Variants in TTC39B observed in about 807,000 individuals in gnomAD.
The protein encoded by TTC39B is tetratricopeptide repeat domain 39B.
TTC39B carries 92 observed loss-of-function variants against 96.6 expected under a neutral mutation model. The ratio of observed to expected loss-of-function variants is 0.95; its 90% confidence interval spans 0.80 to 1.13. The LOEUF (loss-of-function observed/expected upper bound fraction) is 1.13, where lower values mean the gene tolerates loss of function less well. Ranked by LOEUF, TTC39B falls within the 50% of genes most tolerant of loss-of-function variation. The pLI is 0.00. For synonymous variants in TTC39B, 367 were observed against 299.4 expected (o/e 1.23, Z -2.33); for missense variants, 955 against 809.3 (o/e 1.18, Z -2.18).
chr9:15,232,032 A>T (rs1034640967), intron 2 of TTC39B, among the ~76,000 whole-genome samples: 3 of 152,056 alleles, frequency 2.0e-5, no homozygotes, highest in Admixed American at 6.5e-5. Flanking sequence ...TGTGATACTC[A>T]TGGGCAAGCT....
intron 13 of TTC39B, among the ~76,000 whole-genome samples, chr9:15,189,160 C>T (rs1047204934): frequency 2.0e-5 from 3 of 152,140 alleles, no homozygotes; most frequent in African/African-American, 7.2e-5. Flanking sequence ...CTCGACGCTT[C>T]GTTTTTGAGG....
exon 20 of TTC39B, chr9:15,166,796 C>T (rs375063071): frequency 1.4e-4 from 21 of 151,206 alleles, no homozygotes; most frequent in East Asian, 9.8e-4. Flanking sequence ...CTGTATAAAA[C>T]AATGTCTATT....
intron 2 of TTC39B, among the ~76,000 whole-genome samples, chr9:15,231,228 G>C (rs1821403390): frequency 6.6e-6 from 1 of 151,902 alleles, no homozygotes; most frequent in Non-Finnish European, 1.5e-5. Flanking sequence ...GCCCAGGCTG[G>C]TCTTGAACTC....
In TTC39B at chr9:15,306,753, C is replaced by T. The variant is rs1824765959; in HGVS notation, c.240+331G>A. Among the ~76,000 whole-genome samples the T allele has an allele frequency of 6.6e-6, 1 of 152,196 alleles. No individual in the cohort carries two copies. The highest frequency in any genetic ancestry group is 2.1e-4 in the South Asian group (1 of 4,826). ...AAAGCCCAGGCGTCGCTGGGCCGGCCCGGAACAGCTCAGAGCTGCGGGTCC... is the reference window on the plus strand; with the variant it reads ...AAAGCCCAGGCGTCGCTGGGCCGGCTCGGAACAGCTCAGAGCTGCGGGTCC... On this transcript the variant is annotated intron_variant, in intron 1 of 19. Coordinates refer to ENST00000512701, the Ensembl canonical transcript of TTC39B. The surrounding 1 kb of genome is among the most constrained non-coding windows in gnomAD (Gnocchi z 5.1).
exon 20 of TTC39B, chr9:15,167,015 TATATATATATATA>T (rs1346312015): frequency 1.7e-3 from 14 of 8,412 alleles, no homozygotes; most frequent in African/African-American, 4.8e-3. Flanking sequence ...TATATATATA[TATATATATATATA>T]TTTTTTTTTT....
intron 2 of TTC39B, among the ~76,000 whole-genome samples, chr9:15,234,251 G>A (rs1236864301): frequency 3.8e-4 from 58 of 151,468 alleles, no homozygotes; most frequent in African/African-American, 1.3e-3. Context: ...CACCCCGTCC[G>A]GGAGGGAGGT....
chr9:15,289,065 C>G (rs969918971), intron 1 of TTC39B, among the ~76,000 whole-genome samples: 1 of 152,194 alleles, frequency 6.6e-6, no homozygotes, highest in African/African-American at 2.4e-5. Flanking sequence ...TTATCTACCC[C>G]AGGTAGCAAG....
At chr9:15,255,552 G>A (rs749637168) in intron 2 of TTC39B, among the ~76,000 whole-genome samples, 3 of 151,784 alleles carry the variant, frequency 2.0e-5, no homozygotes, top group Non-Finnish European at 2.9e-5. Context: ...TATTTTTATC[G>A]TGAGGTAGAT....
chr9:15,275,556 CAA>C (rs1823511329), intron 1 of TTC39B, among the ~76,000 whole-genome samples: 1 of 152,142 alleles, frequency 6.6e-6, no homozygotes. Context: ...GAAACTGCAG[CAA>C]AAGAGTCCTT....
At chr9:15,249,133 T>C (rs1822415151) in intron 2 of TTC39B, 1 of 152,188 alleles carries the variant, frequency 6.6e-6, no homozygotes, top group Non-Finnish European at 1.5e-5. Flanking sequence ...CTTTAGAGAA[T>C]GCTCAAAACT....
chr9:15,182,953 C>T (rs1309969923), intron 16 of TTC39B, among the ~76,000 whole-genome samples: 2 of 152,054 alleles, frequency 1.3e-5, no homozygotes, highest in East Asian at 3.8e-4. Flanking sequence ...ATGACAGCTC[C>T]TAAAATGTAA....
chr9:15,212,764 C>T (rs1820282206), intron 4 of TTC39B, among the ~76,000 whole-genome samples: 1 of 152,192 alleles, frequency 6.6e-6, no homozygotes, highest in Non-Finnish European at 1.5e-5. Flanking sequence ...TGACTGAACA[C>T]AACACTAAAT....
At chr9:15,235,023 C>CAATCAATAAATAAATA (rs1554779427) in intron 2 of TTC39B, among the ~76,000 whole-genome samples, 9 of 145,054 alleles carry the variant, frequency 6.2e-5, no homozygotes, top group South Asian at 2.2e-4. Context: ...CAAGAATGAT[C>CAATCAATAAATAAATA]AATAAATAAA....
At chr9:15,181,116 A>T (rs1316673578) in intron 17 of TTC39B, among the ~76,000 whole-genome samples, 2 of 152,080 alleles carry the variant, frequency 1.3e-5, no homozygotes, top group African/African-American at 2.4e-5. Flanking sequence ...TTTGCCCCCA[A>T]CCAATGGGGG....
exon 20 of TTC39B, chr9:15,171,983 G>A: frequency 1.3e-6 from 2 of 1,496,934 alleles, no homozygotes; most frequent in Non-Finnish European, 9.3e-7. Context: ...AGATGCCGAT[G>A]CTAATTGAGG....
At chr9:15,244,381 G>C (rs1282452975) in intron 2 of TTC39B, among the ~76,000 whole-genome samples, 1 of 152,218 alleles carries the variant, frequency 6.6e-6, no homozygotes, top group Admixed American at 6.5e-5. Context: ...GTCACTGGCG[G>C]GCAGTGTGGC....
exon 8 of TTC39B, chr9:15,199,892 G>C (rs749265441): frequency 6.5e-7 from 1 of 1,542,040 alleles, no homozygotes; most frequent in Non-Finnish European, 8.9e-7. Context: ...CTAATTTTGA[G>C]TCCACCTTTG....
intron 2 of TTC39B, among the ~76,000 whole-genome samples, chr9:15,231,000 C>A (rs116207368): frequency 3.8e-4 from 53 of 139,204 alleles, no homozygotes; most frequent in African/African-American, 1.3e-3. Flanking sequence ...AAAAAAAAAA[C>A]AAACAAGTTA....
At chr9:15,225,882 C>T (rs1821094319) in intron 3 of TTC39B, 35 bp downstream of exon 3, 1 of 1,592,864 alleles carries the variant, frequency 6.3e-7, no homozygotes, top group East Asian at 2.2e-5. Flanking sequence ...CTGTCCTCCC[C>T]TCTTCCCCCA....
Sources: allele counts gnomAD v4.1 joint callset (sites outside exome capture counted in the v4.1 genomes callset), GRCh38; gene constraint gnomAD v4.1.1; non-coding constraint Gnocchi (gnomAD v3.1); transcripts MANE v1.5; gene names NCBI Gene and HGNC (gene_info 2026-07-23, HGNC 2026-07-21).